VAC14: variants seen among roughly 807,000 people sequenced by gnomAD.
VAC14 encodes VAC14 component of PIKFYVE complex.
VAC14 carries 47 observed loss-of-function variants against 85.3 expected under a neutral mutation model. The observed-to-expected ratio is 0.55, with a 90% CI of 0.44 to 0.70. The LOEUF is 0.70. Among genes scored for constraint, VAC14 ranks in the 30% least tolerant of loss-of-function variants. The pLI is 0.00. For synonymous variants in VAC14, 447 were observed against 430.5 expected (o/e 1.04, Z -0.47); for missense variants, 861 against 1,004.3 (o/e 0.86, Z 1.93).
chr16:70,691,713 T>G, intron 18 of VAC14: 1 of 985,384 alleles, frequency 1.0e-6, no homozygotes, highest in Non-Finnish European at 1.2e-6. Context: ...GGGCCACACT[T>G]TCTAGGGGTT....
rs148254408 is a variant in VAC14 at position 70,746,780 on chromosome 16, G to A, written c.1372-2201C>T. On this transcript the variant is annotated intron_variant, in intron 12 of 18. Transcript: ENST00000261776. Reference sequence around the variant, plus strand: ...GATTCAGCCCCTGCACACCTGCCACGGCAGGATGTACAAAGGCCATGCACA... The same window carrying A: ...GATTCAGCCCCTGCACACCTGCCACAGCAGGATGTACAAAGGCCATGCACA... Among the ~76,000 whole-genome samples, 144 of 152,278 alleles carry A rather than the reference G, an allele frequency of 9.5e-4. 1 individual carries two copies. Among genetic ancestry groups the A allele is most frequent in the East Asian group, 7.7e-4 (4 of 5,176 alleles).
At position 70,796,855 on chromosome 16, in the gene VAC14, G is replaced by C. The variant is rs540910057; in HGVS notation, c.104+3942C>G. Among the ~76,000 whole-genome samples, 15 of 152,310 alleles carry C rather than the reference G, an allele frequency of 9.8e-5. No individual in the cohort carries two copies. The South Asian group carries it at 2.9e-3, about 29-fold the overall frequency. ...CACAGTGTGACTGGATTTGGAGAGA[G>C]GGCCTATAAGGAAGTAATTAAGGTT... On this transcript the variant is annotated intron_variant, in intron 1 of 18. Coordinates refer to ENST00000261776, the MANE Select transcript of VAC14 (RefSeq NM_018052.5).
chr16:70,742,307 C>T (rs1041890362), intron 13 of VAC14, among the ~76,000 whole-genome samples: 6 of 152,316 alleles, frequency 3.9e-5, no homozygotes, highest in Admixed American at 2.6e-4. Flanking sequence ...GCCCGTCTTC[C>T]GGTCAGTTCT....
chr16:70,716,802 G>A (rs914040913), intron 14 of VAC14: 3 of 152,252 alleles, frequency 2.0e-5, no homozygotes, highest in Non-Finnish European at 2.9e-5. Flanking sequence ...TGCTGTTGGC[G>A]GAAGGAGGCC....
intron 18 of VAC14, chr16:70,690,744 A>G: frequency 1.0e-6 from 1 of 985,346 alleles, no homozygotes; most frequent in African/African-American, 1.7e-5. Context: ...CCAGGGTGTG[A>G]GCCGTCCTCT....
At chr16:70,717,797 C>A (rs1232903780) in intron 14 of VAC14, among the ~76,000 whole-genome samples, 1 of 152,208 alleles carries the variant, frequency 6.6e-6, no homozygotes, top group East Asian at 1.9e-4. Context: ...CAGGCGCATG[C>A]CACCATGCTC....
At chr16:70,697,342 C>A in intron 15 of VAC14, 85 bp from the exon 16 acceptor site, 1 of 1,138,626 alleles carries the variant, frequency 8.8e-7, no homozygotes, top group South Asian at 1.4e-5. Context: ...GGAAGGGCCA[C>A]AGGTCTAAGT....
chr16:70,692,298 C>T (rs1335357244), intron 18 of VAC14, among the ~76,000 whole-genome samples: 2 of 151,712 alleles, frequency 1.3e-5, no homozygotes, highest in African/African-American at 4.8e-5. Flanking sequence ...CCCTGCCTCC[C>T]ACCCCACCCC....
chr16:70,694,623 G>A (rs771736952), intron 17 of VAC14, among the ~76,000 whole-genome samples: 47 of 152,340 alleles, frequency 3.1e-4, no homozygotes, highest in Non-Finnish European at 5.6e-4. Flanking sequence ...GGGAGAGGCC[G>A]GGTGGCCAGC....
intron 14 of VAC14, among the ~76,000 whole-genome samples, chr16:70,713,631 C>G (rs1373463966): frequency 6.6e-6 from 1 of 152,146 alleles, no homozygotes. Context: ...GATGTCTGCT[C>G]CTCTGGGACC....
chr16:70,752,800 G>A (rs868151640), intron 12 of VAC14, among the ~76,000 whole-genome samples: 21 of 152,352 alleles, frequency 1.4e-4, no homozygotes, highest in Middle Eastern at 6.8e-3. Context: ...CCAAGGAGAT[G>A]AGCTCCTCAT....
chr16:70,794,118 C>A (rs1273879955), intron 1 of VAC14, among the ~76,000 whole-genome samples: 2 of 152,160 alleles, frequency 1.3e-5, no homozygotes, highest in Non-Finnish European at 2.9e-5. Context: ...AACAAAACAG[C>A]ACTAATTTAA....
intron 12 of VAC14, among the ~76,000 whole-genome samples, chr16:70,752,672 C>CACCACAG (rs2031480540): frequency 3.3e-5 from 5 of 152,264 alleles, no homozygotes; most frequent in Non-Finnish European, 7.3e-5. Context: ...TTGTGGTTTA[C>CACCACAG]TTGCAAGCTA....
chr16:70,791,045 G>T (rs1033247035), intron 1 of VAC14, among the ~76,000 whole-genome samples: 2 of 152,194 alleles, frequency 1.3e-5, no homozygotes, highest in African/African-American at 4.8e-5. Flanking sequence ...GACACTTGGG[G>T]CAAGCAAAAC....
chr16:70,698,153 G>A (rs2053751589), intron 15 of VAC14, among the ~76,000 whole-genome samples: 2 of 152,218 alleles, frequency 1.3e-5, no homozygotes, highest in Admixed American at 6.5e-5. Flanking sequence ...CTTATGACAG[G>A]TGCCTTAGGA....
rs1481635553 is a variant in VAC14 at position 70,784,646 on chromosome 16, G to C, written c.486+130C>G. 6.7e-6 allele frequency: 6 copies of C among 893,380 alleles called. No individual in the cohort carries two copies. In the East Asian group the frequency reaches 1.2e-4, roughly 18 times the overall value. 55.3% of individuals were successfully genotyped at this position (893,380 alleles called of 1,614,324 possible). A position where few individuals can be genotyped will look rare whatever the true frequency, so the allele number is the denominator to read the frequency against. On this transcript the variant is annotated intron_variant, in intron 4 of 18. Transcript: ENST00000261776. Reference sequence around the variant, plus strand: ...ATTCTTGTCATAGAACTGCACACCAGGGAGTACATGTAAATTTAAAATATA... The same window carrying C: ...ATTCTTGTCATAGAACTGCACACCACGGAGTACATGTAAATTTAAAATATA...
intron 14 of VAC14, among the ~76,000 whole-genome samples, chr16:70,720,957 G>A (rs2054275767): frequency 6.6e-6 from 1 of 152,248 alleles, no homozygotes; most frequent in South Asian, 2.1e-4. Context: ...AATGAGCGCT[G>A]ACTTGAGTGC....
chr16:70,758,432 G>A (rs1236772095), intron 12 of VAC14, among the ~76,000 whole-genome samples: 4 of 152,178 alleles, frequency 2.6e-5, no homozygotes, highest in African/African-American at 4.8e-5. Context: ...GGATGTTCAC[G>A]TTCACTCACA....
At chr16:70,761,022 T>TGC (rs1491222746) in intron 12 of VAC14, 2 of 190,070 alleles carry the variant, frequency 1.1e-5, no homozygotes, top group Non-Finnish European at 1.1e-5. Context: ...TGTGTGTGCA[T>TGC]GGGGGGGCGG....
Sources: gnomAD v4.1 joint callset for allele counts (sites outside exome capture counted in the v4.1 genomes callset) on GRCh38, gnomAD v4.1.1 for gene constraint, MANE v1.5 for transcripts, NCBI Gene and HGNC (gene_info 2026-07-23, HGNC 2026-07-21) for gene names.